XKR6: variants seen among roughly 807,000 people sequenced by gnomAD.
XKR6 encodes XK related 6.
In XKR6, 22 loss-of-function variants were observed where a neutral mutation model predicts 56.7. The ratio of observed to expected loss-of-function variants is 0.39; its 90% confidence interval spans 0.28 to 0.55. XKR6 has a LOEUF of 0.55. Among genes scored for constraint, XKR6 ranks in the 20% least tolerant of loss-of-function variants. XKR6 has a pLI of 0.66. For synonymous variants in XKR6, 524 were observed against 387.8 expected (o/e 1.35, Z -4.13); for missense variants, 852 against 889.0 (o/e 0.96, Z 0.53).
intron 1 of XKR6, among the ~76,000 whole-genome samples, chr8:11,055,504 GCCACAGGCCTC>G (rs1011290472): frequency 6.6e-6 from 1 of 152,214 alleles, no homozygotes; most frequent in Admixed American, 6.5e-5. Context: ...GTCTAGGAGA[GCCACAGGCCTC>G]CCTCAGCCCT....
intron 1 of XKR6, chr8:11,109,277 C>G (rs372117796): frequency 6.6e-6 from 1 of 152,214 alleles, no homozygotes; most frequent in African/African-American, 2.4e-5. Flanking sequence ...ATCTCCACTA[C>G]GTTCAGTTGT....
At chr8:11,140,114 A>T (rs984473046) in intron 1 of XKR6, among the ~76,000 whole-genome samples, 3 of 152,186 alleles carry the variant, frequency 2.0e-5, no homozygotes, top group Non-Finnish European at 1.5e-5. Context: ...GGCTCGAAGA[A>T]GAAAATTTTT....
Position 10,924,557 on chromosome 8 carries a change from G to A in XKR6, c.961+77C>T, listed in dbSNP as rs1038313818. 78 of 1,516,694 alleles carry A rather than the reference G, an allele frequency of 5.1e-5. 1 individual carries two copies. In the South Asian group the frequency reaches 6.6e-4, roughly 13 times the overall value. The allele number at this position is 1,516,694 out of a possible 1,614,324, so 94.0% of individuals were successfully genotyped here. A position where few individuals can be genotyped will look rare whatever the true frequency, so the allele number is the denominator to read the frequency against. ...AATGCCCACAGAGCGTGCCAGGCAC[G>A]AAGTGTGTGGGAGGCGGCCGTGGTC... is the stretch of plus-strand genomic sequence containing the variant. On this transcript the variant is annotated intron_variant, in intron 2 of 2. Transcript: ENST00000416569.
At chr8:11,098,291 GCACACA>G (rs894977186) in intron 1 of XKR6, among the ~76,000 whole-genome samples, 2 of 151,546 alleles carry the variant, frequency 1.3e-5, no homozygotes, top group African/African-American at 4.9e-5. Context: ...AGGCGCGCGC[GCACACA>G]CACACAAAGT....
At chr8:11,154,741 T>C (rs1304400865) in intron 1 of XKR6, among the ~76,000 whole-genome samples, 1 of 152,204 alleles carries the variant, frequency 6.6e-6, no homozygotes, top group African/African-American at 2.4e-5. Context: ...TAATCCTCCT[T>C]TTCTGTTGGT....
At position 11,195,262 on chromosome 8, in the gene XKR6, G is replaced by T. The variant is rs940940941; in HGVS notation, c.764+5314C>A. 5.9e-6 allele frequency: 4 copies of T among 681,536 alleles called. No individual in the cohort carries two copies. In the East Asian group the frequency reaches 1.1e-4, roughly 19 times the overall value. 42.2% of individuals were successfully genotyped at this position (681,536 alleles called of 1,614,324 possible). A position where few individuals can be genotyped will look rare whatever the true frequency, so the allele number is the denominator to read the frequency against. The stretch of plus-strand genomic sequence containing the variant: ...AAATAATCACCCTAGTGTTTTTACA[G>T]TTTAACATTTTATGTTTACACCTTT... On this transcript the variant is annotated intron_variant, in intron 1 of 2. Transcript: ENST00000416569.
chr8:11,127,412 C>T (rs1474966683), intron 1 of XKR6, among the ~76,000 whole-genome samples: 1 of 152,208 alleles, frequency 6.6e-6, no homozygotes, highest in Non-Finnish European at 1.5e-5. Context: ...ATTACAATTA[C>T]AATTACACTT....
chr8:11,162,925 A>C (rs771423143), intron 1 of XKR6, among the ~76,000 whole-genome samples: 2 of 152,232 alleles, frequency 1.3e-5, no homozygotes, highest in Non-Finnish European at 2.9e-5. Context: ...CTAATTCATC[A>C]CTTACCTTAT....
intron 2 of XKR6, among the ~76,000 whole-genome samples, chr8:10,899,725 C>T (rs962527247): frequency 1.3e-5 from 2 of 152,202 alleles, no homozygotes; most frequent in Non-Finnish European, 2.9e-5. Flanking sequence ...CTTCCCCTTA[C>T]TGGTTTTCTG....
chr8:10,899,235 G>C (rs149747422), intron 2 of XKR6, among the ~76,000 whole-genome samples: 277 of 152,300 alleles, frequency 1.8e-3, no homozygotes, highest in African/African-American at 6.0e-3. Context: ...TGTGGGTTCC[G>C]CCTTAAGGAA....
At chr8:11,143,683 G>C (rs1343066036) in intron 1 of XKR6, among the ~76,000 whole-genome samples, 1 of 152,182 alleles carries the variant, frequency 6.6e-6, no homozygotes, top group Non-Finnish European at 1.5e-5. Flanking sequence ...TGGAGGAAGG[G>C]AAGGGATTGT....
intron 1 of XKR6, among the ~76,000 whole-genome samples, chr8:11,036,340 T>A (rs1367145527): frequency 6.6e-6 from 1 of 152,200 alleles, no homozygotes; most frequent in Non-Finnish European, 1.5e-5. Flanking sequence ...ATGTCTCAGA[T>A]GAGAGGTGGG....
In XKR6 at chr8:11,027,209, C is replaced by T. The variant is rs772140983; in HGVS notation, c.765-102379G>A. Among the ~76,000 whole-genome samples, 13 of 152,230 alleles carry T rather than the reference C, an allele frequency of 8.5e-5. No individual in the cohort carries two copies. In the South Asian group the frequency reaches 1.0e-3, roughly 12 times the overall value. ...ATTTGTGAATCTAAACATATTTAAACGTAGAAAAGGTACAATAAAATATGG... is the reference window on the plus strand; with the variant it reads ...ATTTGTGAATCTAAACATATTTAAATGTAGAAAAGGTACAATAAAATATGG... On this transcript the variant is annotated intron_variant, in intron 1 of 2. Transcript: ENST00000416569.
chr8:10,985,517 T>G (rs1289632638), intron 1 of XKR6, among the ~76,000 whole-genome samples: 1 of 151,834 alleles, frequency 6.6e-6, no homozygotes, highest in African/African-American at 2.4e-5. Flanking sequence ...GACACTCTAC[T>G]GCCTCCCACA....
intron 1 of XKR6, among the ~76,000 whole-genome samples, chr8:11,113,581 G>C (rs941327709): frequency 1.3e-5 from 2 of 152,030 alleles, no homozygotes; most frequent in Non-Finnish European, 2.9e-5. Flanking sequence ...AGAAAAAAAA[G>C]TTGTGGCAAG....
At chr8:11,091,762 T>C (rs941529953) in intron 1 of XKR6, among the ~76,000 whole-genome samples, 1 of 152,128 alleles carries the variant, frequency 6.6e-6, no homozygotes, top group Non-Finnish European at 1.5e-5. Flanking sequence ...CATGTGAAAC[T>C]GAAGAAACTG....
At chr8:11,058,253 G>A (rs1799736108) in intron 1 of XKR6, among the ~76,000 whole-genome samples, 1 of 152,178 alleles carries the variant, frequency 6.6e-6, no homozygotes, top group African/African-American at 2.4e-5. Flanking sequence ...TGTAATTGTG[G>A]AAGACAGTGT....
intron 1 of XKR6, among the ~76,000 whole-genome samples, chr8:11,154,330 TC>T (rs1464328005): frequency 1.3e-5 from 2 of 152,170 alleles, no homozygotes; most frequent in Non-Finnish European, 2.9e-5. Flanking sequence ...CAGAAGAGAT[TC>T]CTTGGTTGGC....
intron 2 of XKR6, among the ~76,000 whole-genome samples, chr8:10,906,855 G>C (rs1002213003): frequency 3.9e-5 from 6 of 152,106 alleles, no homozygotes; most frequent in African/African-American, 7.2e-5. Flanking sequence ...TGGCCAACAT[G>C]GTGAAACCAT....
Sources: gnomAD v4.1 joint callset for allele counts (sites outside exome capture counted in the v4.1 genomes callset) on GRCh38, gnomAD v4.1.1 for gene constraint, MANE v1.5 for transcripts, NCBI Gene and HGNC (gene_info 2026-07-23, HGNC 2026-07-21) for gene names.